Variants in ZFAND2B observed in about 807,000 individuals in gnomAD.
ZFAND2B encodes AN1-type zinc finger protein 2B.
In ZFAND2B, 27 loss-of-function variants were observed where a neutral mutation model predicts 38.2. The observed-to-expected ratio is 0.71, with a 90% CI of 0.52 to 0.97. The LOEUF (loss-of-function observed/expected upper bound fraction) is 0.97. ZFAND2B is among the 50% of genes least tolerant of loss of function. The probability of loss-of-function intolerance (pLI) is 0.00; values close to 1 mark genes in which losing one functional copy is unlikely to be tolerated. For synonymous variants in ZFAND2B, 111 were observed against 119.4 expected, an observed-to-expected ratio of 0.93 and a Z score of 0.46; for missense variants, 303 against 331.5, an observed-to-expected ratio of 0.91 and a Z score of 0.67.
Position 219,207,788 on chromosome 2 carries a change from T to C in ZFAND2B, c.282+9T>C, listed in dbSNP as rs759817704. The C allele has an allele frequency of 1.2e-5, 19 of 1,613,914 alleles. No homozygotes were observed. The African/African-American group carries it at 1.9e-4, about 16-fold the overall frequency. The stretch of plus-strand genomic sequence containing the variant: ...CACAGCAAAAACGTAAGGTAAACAT[T>C]GTAGGGGTCAGCCACAACCCAGCTG... On this transcript the variant is annotated intron_variant, in intron 3 of 8. Transcript: ENST00000289528.
rs1052488618 is a variant in ZFAND2B at position 219,209,586 on chromosome 2, G to A, written c.*280G>A. The A allele has an allele frequency of 1.6e-5, 11 of 680,216 alleles. No homozygotes were observed. Among genetic ancestry groups the A allele is most frequent in the Admixed American group, 4.1e-5 (2 of 48,696 alleles). 42.1% of individuals were successfully genotyped at this position (680,216 alleles called of 1,614,324 possible). The stretch of plus-strand genomic sequence containing the variant: ...ATCTCCCTTATGCTGGAGCTGCCCC[G>A]ATGTGGAGTGGGCAGGAAGGGGCCT... On this transcript the variant is annotated 3_prime_UTR_variant, in exon 9 of 9. Transcript: ENST00000289528.
chr2:219,207,164 G>T lies in ZFAND2B; in HGVS notation c.55+122G>T, dbSNP rs550092036. 1,235 of 1,250,992 alleles carry T rather than the reference G, an allele frequency of 9.9e-4. 37 individuals are homozygous for T. The African/African-American group carries it at 0.017, about 17-fold the overall frequency. The allele number at this position is 1,250,992 out of a possible 1,614,324, so 77.5% of individuals were successfully genotyped here. ...GGGGGCGGGGCTTGAAGCTGGGGGG[G>T]GGTGGTCAGCGGCAGAGGGGGCGTG... is the stretch of plus-strand genomic sequence containing the variant. On this transcript the variant is annotated intron_variant, in intron 1 of 8. Transcript: ENST00000289528.
chr2:219,209,065 G>A lies in ZFAND2B; in HGVS notation c.729+16G>A. 1 of 1,614,080 alleles carries A rather than the reference G, an allele frequency of 6.2e-7. No homozygotes were observed. Among genetic ancestry groups the A allele is most frequent in the Non-Finnish European group, 8.5e-7 (1 of 1,179,890 alleles). On this transcript the variant is annotated intron_variant, in intron 8 of 8. Transcript: ENST00000289528. ...GCGGCAGCAGGTATGAGGCTGGGCT[G>A]AAGATATATGCTGCAGTGGAAGGGA...
chr2:219,207,039 T>C lies in ZFAND2B; in HGVS notation c.52T>C (p.Leu18=). Residue 18 remains leucine, a synonymous_variant, in exon 1 of 9, where the codon TTG becomes CTG. Coordinates refer to ENST00000289528, the MANE Select transcript of ZFAND2B (RefSeq NM_138802.3). ...AHCSEPSCQR[L]DFLPLKCDAC... The stretch of plus-strand genomic sequence containing the variant: ...CTGTTCGGAGCCGAGCTGTCAGCGC[T>C]TGGGTGAGGGGCGGAGCGCGCGGGG... 5 of 1,604,756 alleles carry C rather than the reference T, an allele frequency of 3.1e-6. No individual in the cohort carries two copies. Among genetic ancestry groups the C allele is most frequent in the Non-Finnish European group, 4.3e-6 (5 of 1,176,290 alleles).
chr2:219,206,827 G>C lies in ZFAND2B; in HGVS notation c.-161G>C. On this transcript the variant is annotated 5_prime_UTR_variant, in exon 1 of 9. Coordinates refer to ENST00000289528, the MANE Select transcript of ZFAND2B (RefSeq NM_138802.3). ...GAGGGAGGAGCGGGCGCCGGGGGCCGGCTGGCGCGGGGGCTCCGGTAACCC... is the reference window on the plus strand; with the variant it reads ...GAGGGAGGAGCGGGCGCCGGGGGCCCGCTGGCGCGGGGGCTCCGGTAACCC... The C allele has an allele frequency of 1.4e-6, 1 of 718,902 alleles. No individual in the cohort carries two copies. The highest frequency in any genetic ancestry group is 2.1e-6 in the Non-Finnish European group (1 of 487,692). The allele number at this position is 718,902 out of a possible 1,614,324, so 44.5% of individuals were successfully genotyped here.
rs1218005251 is a variant in ZFAND2B, at chr2:219,206,955, C to T, written c.-33C>T. 2.5e-6 allele frequency: 4 copies of T among 1,610,862 alleles called. No individual in the cohort carries two copies. The highest frequency in any genetic ancestry group is 1.1e-5 in the South Asian group (1 of 90,662). On this transcript the variant is annotated 5_prime_UTR_variant, in exon 1 of 9. Transcript: ENST00000289528. ...AGCCCTAAAGACGCTCAGCACTCGT[C>T]GCTTCTCCTAGCAGACCCTGCCCGG...
chr2:219,207,563 G>A, intron 2 of ZFAND2B, 85 bp from the exon 3 acceptor site: 1 of 1,596,070 alleles, frequency 6.3e-7, no homozygotes, highest in Admixed American at 1.7e-5. Flanking sequence ...GCGTGTTTGT[G>A]GTGGGTCATA....
chr2:219,207,067 C>T, intron 1 of ZFAND2B, 25 bp downstream of exon 1: 1 of 1,396,200 alleles, frequency 7.2e-7, no homozygotes, highest in Non-Finnish European at 9.5e-7. Context: ...GCGCGGGGGG[C>T]GGGGCCCAGC....
chr2:219,207,750 C>T lies in ZFAND2B; in HGVS notation c.253C>T (p.Arg85Cys). The T allele has an allele frequency of 1.2e-6, 2 of 1,614,116 alleles. No individual in the cohort carries two copies. Among genetic ancestry groups the T allele is most frequent in the Non-Finnish European group, 1.7e-6 (2 of 1,180,036 alleles). The change falls in exon 3 of 9, where the codon CGC becomes TGC. Residue 85 changes from arginine (R) to cysteine (C), a missense_variant. By Grantham distance (180) the Arg-to-Cys change is radical. Transcript: ENST00000289528. Reference sequence around the variant, plus strand: ...GGGAGAGCACATTGACAGAGACTGTCGCTCTGATCCAGCACAGCAAAAACG... The same window carrying T: ...GGGAGAGCACATTGACAGAGACTGTTGCTCTGATCCAGCACAGCAAAAACG... ...AVGEHIDRDC[R>C]SDPAQQKRKI...
Position 219,208,367 on chromosome 2 carries a change from C to T in ZFAND2B, c.527+19C>T. On this transcript the variant is annotated intron_variant, in intron 5 of 8. Transcript: ENST00000289528. The stretch of plus-strand genomic sequence containing the variant: ...CCAGCAGGTAGGCCTGCCCGTTTCC[C>T]TGCTCCCCCTTTTTCCCCTTCACAC... 6.2e-7 allele frequency: 1 copy of T among 1,614,200 alleles called. No homozygotes were observed.
intron 8 of ZFAND2B, 95 bp from the exon 9 acceptor site, chr2:219,209,167 G>T: frequency 1.3e-6 from 2 of 1,572,312 alleles, no homozygotes; most frequent in South Asian, 2.3e-5. Flanking sequence ...TTTTCAGTAT[G>T]ACTCCAGCCC....
At chr2:219,209,110 G>T in intron 8 of ZFAND2B, 61 bp downstream of exon 8, 1 of 1,597,132 alleles carries the variant, frequency 6.3e-7, no homozygotes, top group Non-Finnish European at 8.6e-7. Context: ...CAGGGATGGG[G>T]GTTCTTCCTA....
chr2:219,208,201 C>A, intron 4 of ZFAND2B, 55 bp from the exon 5 acceptor site: 4 of 1,607,510 alleles, frequency 2.5e-6, no homozygotes, highest in Non-Finnish European at 3.4e-6. Context: ...CCCCTCCTGA[C>A]TTCCTGGGTA....
In ZFAND2B at chr2:219,209,055, A is replaced by AG; in HGVS notation, c.729+8dup. On this transcript the variant is annotated splice_region_variant and intron_variant, in intron 8 of 8. Transcript: ENST00000289528. ...CAGAATACCAGCGGCAGCAGGTATG[A>AG]GGCTGGGCTGAAGATATATGCTGCA... 1 of 1,614,094 alleles carries AG rather than the reference A, an allele frequency of 6.2e-7. No homozygotes were observed. The highest frequency in any genetic ancestry group is 8.5e-7 in the Non-Finnish European group (1 of 1,179,912).
intron 8 of ZFAND2B, 52 bp from the exon 9 acceptor site, chr2:219,209,210 T>G (rs1950538661): frequency 6.3e-7 from 1 of 1,581,504 alleles, no homozygotes; most frequent in Non-Finnish European, 8.6e-7. Flanking sequence ...CTGTCCCTCA[T>G]TTCCTTGACG....
chr2:219,207,164 GGGT>G, intron 1 of ZFAND2B, 122 bp downstream of exon 1: 2 of 1,250,996 alleles, frequency 1.6e-6, no homozygotes, highest in Non-Finnish European at 2.3e-6. Flanking sequence ...AGCTGGGGGG[GGGT>G]GGTCAGCGGC....
chr2:219,208,708 G>T, intron 7 of ZFAND2B, 69 bp downstream of exon 7: 1 of 1,559,612 alleles, frequency 6.4e-7, no homozygotes, highest in South Asian at 1.1e-5. Context: ...CAGGTAGGTG[G>T]GACCACTCTG....
intron 2 of ZFAND2B, 40 bp from the exon 3 acceptor site, chr2:219,207,608 T>C: frequency 6.2e-7 from 1 of 1,608,056 alleles, no homozygotes; most frequent in South Asian, 1.1e-5. Context: ...TTTGTTGGAC[T>C]GGAGTGGGCC....
rs1323020307 is a variant in ZFAND2B, at chr2:219,209,333, A to C, written c.*27A>C. ...GCCCTGGGCTTGGGGAGGGAGGTTC[A>C]CCTGAGGAGGACTGTGGCCCTCACA... On this transcript the variant is annotated 3_prime_UTR_variant, in exon 9 of 9. Transcript: ENST00000289528. 1 of 1,606,878 alleles carries C rather than the reference A, an allele frequency of 6.2e-7. No individual in the cohort carries two copies. The highest frequency in any genetic ancestry group is 2.2e-5 in the East Asian group (1 of 44,722).
Sources: gnomAD v4.1 joint callset for allele counts on GRCh38, gnomAD v4.1.1 for gene constraint, MANE v1.5 for transcripts, NCBI Gene and HGNC (gene_info 2026-07-23, HGNC 2026-07-21) for gene names.